The following LBH variants were observed in gnomAD, a reference collection of about 807,000 sequenced individuals.
LBH encodes the protein LBH regulator of Wnt signaling pathway, also known as protein LBH.
LBH carries 7 observed loss-of-function variants against 12.5 expected under a neutral mutation model. The observed-to-expected ratio is 0.56, with a 90% CI of 0.32 to 1.05. LBH has a LOEUF of 1.05. LBH is among the 50% of genes least tolerant of loss of function. LBH has a pLI of 0.04. For missense variants in LBH, 119 were observed against 138.9 expected, an observed-to-expected ratio of 0.86 and a Z score of 0.72; for synonymous variants, 51 against 50.1, an observed-to-expected ratio of 1.02 and a Z score of -0.08.
At chr2:30,237,814 T>C (rs1677714625) in intron 2 of LBH, among the ~76,000 whole-genome samples, 1 of 152,194 alleles carries the variant, frequency 6.6e-6, no homozygotes, top group Non-Finnish European at 1.5e-5. Context: ...GTGTGCACAT[T>C]CACTTAACAT....
chr2:30,251,442 A>T (rs1206014914), intron 2 of LBH, among the ~76,000 whole-genome samples: 1 of 152,030 alleles, frequency 6.6e-6, no homozygotes, highest in Non-Finnish European at 1.5e-5. Flanking sequence ...CCAAAATGCC[A>T]CGGCCTGTTG....
At chr2:30,236,413 T>G (rs1396199719) in intron 2 of LBH, among the ~76,000 whole-genome samples, 1 of 152,186 alleles carries the variant, frequency 6.6e-6, no homozygotes, top group Non-Finnish European at 1.5e-5. Context: ...CATCTTCCCT[T>G]GTGGTGCTGG....
At chr2:30,251,476 G>A (rs1372177020) in intron 2 of LBH, among the ~76,000 whole-genome samples, 1 of 151,752 alleles carries the variant, frequency 6.6e-6, no homozygotes, top group African/African-American at 2.4e-5. Context: ...CCAGGCAAAG[G>A]ATGCCTCCGA....
chr2:30,252,276 C>G (rs1465191643), intron 2 of LBH, among the ~76,000 whole-genome samples: 2 of 152,184 alleles, frequency 1.3e-5, no homozygotes, highest in East Asian at 3.9e-4. Flanking sequence ...CTCCTGCCAC[C>G]TTGTGAAGAA....
intron 1 of LBH, chr2:30,232,249 G>GCC: frequency 2.0e-6 from 1 of 506,800 alleles, no homozygotes; most frequent in Non-Finnish European, 3.6e-6. Context: ...GGTGGGGGGC[G>GCC]GGAAACGCTC....
At chr2:30,257,021 G>A (rs114821992) in intron 2 of LBH, among the ~76,000 whole-genome samples, 57 of 152,336 alleles carry the variant, frequency 3.7e-4, no homozygotes, top group African/African-American at 1.4e-3. Flanking sequence ...AATTATTCCG[G>A]GAGGTACTTA....
In LBH at chr2:30,257,808, T is replaced by G; in HGVS notation, c.*187T>G. 2.0e-6 allele frequency: 1 copy of G among 501,428 alleles called. No homozygotes were observed. Among genetic ancestry groups the G allele is most frequent in the Non-Finnish European group, 3.5e-6 (1 of 289,806 alleles). 31.1% of individuals were successfully genotyped at this position (501,428 alleles called of 1,614,324 possible). A position where few individuals can be genotyped will look rare whatever the true frequency, so the allele number is the denominator to read the frequency against. On this transcript the variant is annotated 3_prime_UTR_variant, in exon 3 of 3. Coordinates refer to ENST00000395323, the MANE Select transcript of LBH (RefSeq NM_030915.4). ...TTCTTGCCTTTTTTTTTTTTTGAAA[T>G]TTGCCGAGCAGTGGAGCCCTCTGAC...
intron 2 of LBH, among the ~76,000 whole-genome samples, chr2:30,239,845 C>G (rs1677757200): frequency 6.6e-6 from 1 of 152,170 alleles, no homozygotes; most frequent in African/African-American, 2.4e-5. Context: ...GTATGAGGAT[C>G]CAGCACCTTC....
chr2:30,254,010 G>C (rs1678033644), intron 2 of LBH, among the ~76,000 whole-genome samples: 1 of 152,156 alleles, frequency 6.6e-6, no homozygotes, highest in African/African-American at 2.4e-5. Context: ...CAGTTCAGCT[G>C]CTTCCCAGGT....
chr2:30,238,838 C>G (rs953920821), intron 2 of LBH, among the ~76,000 whole-genome samples: 5 of 151,160 alleles, frequency 3.3e-5, no homozygotes, highest in Non-Finnish European at 7.4e-5. Context: ...GCCCCTTTGT[C>G]TCTCAGGTCC....
At position 30,231,711 on chromosome 2, in the gene LBH, G is replaced by A. The variant is rs1378392642; in HGVS notation, c.-28G>A. 1 of 1,589,006 alleles carries A rather than the reference G, an allele frequency of 6.3e-7. No homozygotes were observed. Among genetic ancestry groups the A allele is most frequent in the Admixed American group, 1.7e-5 (1 of 57,226 alleles). On this transcript the variant is annotated 5_prime_UTR_variant, in exon 1 of 3. Transcript: ENST00000395323. ...GCAGGGACCGTTTTTAAATCACAGG[G>A]GCGTGTGTCAGCCTGCCCTAGGACT...
intron 1 of LBH, chr2:30,232,960 G>C (rs1677619595): frequency 6.6e-6 from 1 of 152,310 alleles, no homozygotes; most frequent in African/African-American, 2.4e-5. Context: ...AGAGGGGACT[G>C]AACTTCCCTC....
intron 2 of LBH, among the ~76,000 whole-genome samples, chr2:30,240,427 A>G (rs1037516553): frequency 5.3e-5 from 8 of 152,124 alleles, no homozygotes; most frequent in Non-Finnish European, 1.2e-4. Context: ...TGAGTCCTGA[A>G]GTAGTCCTCA....
chr2:30,232,736 C>G (rs1054515676), intron 1 of LBH: 1 of 152,472 alleles, frequency 6.6e-6, no homozygotes, highest in South Asian at 2.1e-4. Context: ...GCCGGCGCCA[C>G]AGCCCCGAGC....
intron 1 of LBH, 102 bp from the exon 2 acceptor site, chr2:30,234,303 T>C (rs772625741): frequency 2.6e-5 from 24 of 907,874 alleles, no homozygotes; most frequent in Non-Finnish European, 4.3e-5. Flanking sequence ...CCTCTCTTCC[T>C]GTCTCCAGAC....
chr2:30,246,651 G>GTTGGTTGT (rs1677873942), intron 2 of LBH, among the ~76,000 whole-genome samples: 1 of 152,210 alleles, frequency 6.6e-6, no homozygotes, highest in African/African-American at 2.4e-5. Flanking sequence ...TGCAGTATGT[G>GTTGGTTGT]TTGGTTGTTG....
chr2:30,251,843 G>T, intron 2 of LBH, among the ~76,000 whole-genome samples: 1 of 152,166 alleles, frequency 6.6e-6, no homozygotes, highest in East Asian at 1.9e-4. Flanking sequence ...GTATGAGGAT[G>T]ATGAAGGCAG....
chr2:30,251,669 GAA>G (rs200828977), intron 2 of LBH, among the ~76,000 whole-genome samples: 27,623 of 111,002 alleles, frequency 0.25, 3,125 homozygotes, highest in Middle Eastern at 0.37. Flanking sequence ...CCTATCTCAA[GAA>G]AAAAAAAAAA....
chr2:30,242,396 AC>A (rs1290444542), intron 2 of LBH, among the ~76,000 whole-genome samples: 2 of 152,046 alleles, frequency 1.3e-5, no homozygotes, highest in African/African-American at 4.8e-5. Flanking sequence ...GGCGAGTGCC[AC>A]CATGCCTGGC....
Sources: gnomAD v4.1 joint callset for allele counts (sites outside exome capture counted in the v4.1 genomes callset) on GRCh38, gnomAD v4.1.1 for gene constraint, MANE v1.5 for transcripts, NCBI Gene and HGNC (gene_info 2026-07-23, HGNC 2026-07-21) for gene names.